Variants in STAT1 observed in about 807,000 individuals in gnomAD.
The protein encoded by STAT1 is signal transducer and activator of transcription 1-alpha/beta.
Under a neutral mutation model 111.7 loss-of-function variants are expected in STAT1, and 24 were observed. The ratio of observed to expected loss-of-function variants is 0.21; its 90% CI spans 0.16 to 0.30. The LOEUF is 0.30. Among genes scored for constraint, STAT1 ranks in the 10% least tolerant of loss-of-function variants. STAT1 has a pLI of 1.00. For synonymous variants in STAT1, 332 were observed against 326.5 expected, an observed-to-expected ratio of 1.02 and a Z score of -0.18; for missense variants, 351 against 911.9, an observed-to-expected ratio of 0.38 and a Z score of 7.92.
At position 190,987,255 on chromosome 2, in the gene STAT1, A is replaced by G. The variant is rs556536352; in HGVS notation, c.1098-187T>C. Among the ~76,000 whole-genome samples the G allele has an allele frequency of 6.6e-6, 1 of 152,332 alleles. No homozygotes were observed. The highest frequency in any genetic ancestry group is 1.9e-4 in the East Asian group (1 of 5,192). ...TCTACCCATACTAGGTCTGGCAAGT[A>G]TCACTGAATGACCTTTGGCAAATAA... On this transcript the variant is annotated intron_variant, in intron 12 of 24. Transcript: ENST00000361099. This position sits in a 1 kb window ranked among gnomAD's most constrained non-coding sequence, Gnocchi z 4.0.
At chr2:190,991,997 A>T (rs1248197387) in intron 10 of STAT1, among the ~76,000 whole-genome samples, 1 of 152,278 alleles carries the variant, frequency 6.6e-6, no homozygotes, top group African/African-American at 2.4e-5. Flanking sequence ...TCTTGTTTGA[A>T]CATTAGCCAT....
In STAT1 at chr2:190,974,370, G is replaced by A. The variant is rs933097551; in HGVS notation, c.2238+460C>T. 3.3e-5 allele frequency among the ~76,000 whole-genome samples: 5 copies of A among 152,184 alleles called. No individual in the cohort carries two copies. The highest frequency in any genetic ancestry group is 7.3e-5 in the Non-Finnish European group (5 of 68,044). ...CAAATTAGCTCTCAAATATAAGGCA[G>A]ATGAAGTAATCTCATTGCTGCTAAA... is the stretch of plus-strand genomic sequence containing the variant. On this transcript the variant is annotated intron_variant, in intron 24 of 24. Transcript: ENST00000361099. This position sits in a 1 kb window ranked among gnomAD's most constrained non-coding sequence, Gnocchi z 4.8.
In STAT1 at chr2:190,975,876, T is replaced by C; in HGVS notation, c.2071A>G (p.Met691Val). Residue 691 changes from methionine (M) to valine (V), a missense_variant, in exon 23 of 25, where the codon ATG becomes GTG. Physicochemically the swap from Met to Val is conservative, Grantham distance 21. Transcript: ENST00000361099. This position sits in a 1 kb window ranked among gnomAD's most constrained non-coding sequence, Gnocchi z 5.9. The stretch of plus-strand genomic sequence containing the variant: ...GTTCCTTTAGGGCCATCAAGTTCCA[T>C]TGGCTCTGGTGCTAGAAATAAACAC... ...YSRPKEAPEP[M>V]ELDGPKGTGY... 1 of 1,613,946 alleles carries C rather than the reference T, an allele frequency of 6.2e-7. No individual in the cohort carries two copies. Among genetic ancestry groups the C allele is most frequent in the Non-Finnish European group, 8.5e-7 (1 of 1,179,786 alleles).
rs1559013378 is a variant in STAT1, at chr2:190,989,157, GA to G, written c.1097+457del. ...ATGACCACAGAATCATGGCAGCCTG[GA>G]CGTTCAGCCTCGGGTTGGATCAGGG... On this transcript the variant is annotated intron_variant, in intron 12 of 24. Transcript: ENST00000361099. The surrounding 1 kb of genome is among the most constrained non-coding windows in gnomAD (Gnocchi z 5.0). Among the ~76,000 whole-genome samples, 1 of 152,204 alleles carries G rather than the reference GA, an allele frequency of 6.6e-6. No homozygotes were observed. Among genetic ancestry groups the G allele is most frequent in the Non-Finnish European group, 1.5e-5 (1 of 68,038 alleles).
rs1691888967 is a variant in STAT1 at position 190,976,122 on chromosome 2, C to A, written c.2060-235G>T. On this transcript the variant is annotated intron_variant, in intron 22 of 24. Coordinates refer to ENST00000361099, the MANE Select transcript of STAT1 (RefSeq NM_007315.4). This position sits in a 1 kb window ranked among gnomAD's most constrained non-coding sequence, Gnocchi z 6.0. The stretch of plus-strand genomic sequence containing the variant: ...AAATAAGCTAGTGTTCAGCAGGACA[C>A]TAGCTAGGAGCTTTCTCTTTACACA... Among the ~76,000 whole-genome samples, 2 of 152,212 alleles carry A rather than the reference C, an allele frequency of 1.3e-5. No individual in the cohort carries two copies. The highest frequency in any genetic ancestry group is 3.9e-4 in the East Asian group (2 of 5,192).
chr2:191,012,794 C>G lies in STAT1; in HGVS notation c.-2+731G>C, dbSNP rs1350159733. Among the ~76,000 whole-genome samples the G allele has an allele frequency of 6.6e-6, 1 of 152,248 alleles. No homozygotes were observed. The highest frequency in any genetic ancestry group is 1.9e-4 in the East Asian group (1 of 5,204). On this transcript the variant is annotated intron_variant, in intron 2 of 24. Coordinates refer to ENST00000361099, the MANE Select transcript of STAT1 (RefSeq NM_007315.4). The surrounding 1 kb of genome is among the most constrained non-coding windows in gnomAD (Gnocchi z 4.0). The stretch of plus-strand genomic sequence containing the variant: ...GCCCAACATTTCTGCTTTGCTCCAG[C>G]TACTCGCCCTTGGAAACAGCCTCTC...
Position 191,009,114 on chromosome 2 carries a change from G to C in STAT1, c.129-7C>G. 6.2e-7 allele frequency: 1 copy of C among 1,614,004 alleles called. No homozygotes were observed. Among genetic ancestry groups the C allele is most frequent in the Non-Finnish European group, 8.5e-7 (1 of 1,179,888 alleles). On this transcript the variant is annotated splice_region_variant and splice_polypyrimidine_tract_variant and intron_variant, in intron 3 of 24. Coordinates refer to ENST00000361099, the MANE Select transcript of STAT1 (RefSeq NM_007315.4). Reference sequence around the variant, plus strand: ...ATCATTGGCAGCGTGCTCCCTAGGAGATTTAACATTTACACATTTCATTCT... The same window carrying C: ...ATCATTGGCAGCGTGCTCCCTAGGACATTTAACATTTACACATTTCATTCT...
rs1022546050 is a variant in STAT1 at position 190,977,347 on chromosome 2, A to G, written c.1874-322T>C. Among the ~76,000 whole-genome samples, 9 of 152,274 alleles carry G rather than the reference A, an allele frequency of 5.9e-5. No individual in the cohort carries two copies. The highest frequency in any genetic ancestry group is 1.5e-5 in the Non-Finnish European group (1 of 68,050). On this transcript the variant is annotated intron_variant, in intron 21 of 24. Transcript: ENST00000361099. The surrounding 1 kb of genome is among the most constrained non-coding windows in gnomAD (Gnocchi z 4.7). ...TGATGTGCTGCCCATAGGCACATAAATAACTTACTACTAAGTGGATCATCT... is the reference window on the plus strand; with the variant it reads ...TGATGTGCTGCCCATAGGCACATAAGTAACTTACTACTAAGTGGATCATCT...
rs1270152674 is a variant in STAT1 at position 190,982,332 on chromosome 2, A to AT, written c.1582+50dup. ...AGGGGAAAAGAGCAATTAGAGAGAT[A>AT]TTTTTATGAATTTCAATTTTTATAA... On this transcript the variant is annotated intron_variant, in intron 18 of 24. Coordinates refer to ENST00000361099, the MANE Select transcript of STAT1 (RefSeq NM_007315.4). The surrounding 1 kb of genome is among the most constrained non-coding windows in gnomAD (Gnocchi z 7.3). The AT allele has an allele frequency of 6.2e-7, 1 of 1,604,670 alleles. No individual in the cohort carries two copies. Among genetic ancestry groups the AT allele is most frequent in the African/African-American group, 1.3e-5 (1 of 74,850 alleles).
Position 190,991,152 on chromosome 2 carries a change from C to T in STAT1, c.1037+76G>A, listed in dbSNP as rs1044610617. On this transcript the variant is annotated intron_variant, in intron 11 of 24. Coordinates refer to ENST00000361099, the MANE Select transcript of STAT1 (RefSeq NM_007315.4). ...ATTTCCTCAAAAGCACCCTATATAA[C>T]AGTTTTTATAAAAGGAAACTAGGGG... 5 of 1,393,954 alleles carry T rather than the reference C, an allele frequency of 3.6e-6. No homozygotes were observed. The African/African-American group carries it at 4.3e-5, about 12-fold the overall frequency. 86.3% of individuals were successfully genotyped at this position (1,393,954 alleles called of 1,614,324 possible).
chr2:191,000,937 G>T lies in STAT1; in HGVS notation c.462+137C>A. 1 of 729,602 alleles carries T rather than the reference G, an allele frequency of 1.4e-6. No homozygotes were observed. The allele number at this position is 729,602 out of a possible 1,614,324, so 45.2% of individuals were successfully genotyped here. On this transcript the variant is annotated intron_variant, in intron 6 of 24. Coordinates refer to ENST00000361099, the MANE Select transcript of STAT1 (RefSeq NM_007315.4). This position sits in a 1 kb window ranked among gnomAD's most constrained non-coding sequence, Gnocchi z 4.8. ...TTGCCAATTTGTTTACTTATAGCTT[G>T]AGACTTCTGCAAAATTTTTCTTCCC...
Position 190,974,711 on chromosome 2 carries a change from T to G in STAT1, c.2238+119A>C. On this transcript the variant is annotated intron_variant, in intron 24 of 24. Transcript: ENST00000361099. The surrounding 1 kb of genome is among the most constrained non-coding windows in gnomAD (Gnocchi z 4.8). ...CATGGCTCATCTGAGCACTGCACTC[T>G]CCTTGGCTCCGCCAGGGCTCCCTCC... 1.2e-6 allele frequency: 1 copy of G among 862,876 alleles called. No homozygotes were observed. The highest frequency in any genetic ancestry group is 1.9e-6 in the Non-Finnish European group (1 of 514,974). The allele number at this position is 862,876 out of a possible 1,614,324, so 53.5% of individuals were successfully genotyped here.
Position 190,975,787 on chromosome 2 carries a change from A to T in STAT1, c.2135+25T>A. 1 of 1,614,062 alleles carries T rather than the reference A, an allele frequency of 6.2e-7. No homozygotes were observed. Among genetic ancestry groups the T allele is most frequent in the Non-Finnish European group, 8.5e-7 (1 of 1,179,992 alleles). ...CAAGGCTGGCTTGAGGTTTGTAAAC[A>T]TGTCACTCTTCTGTGTTCACTTACA... is the stretch of plus-strand genomic sequence containing the variant. On this transcript the variant is annotated intron_variant, in intron 23 of 24. Coordinates refer to ENST00000361099, the MANE Select transcript of STAT1 (RefSeq NM_007315.4). This position sits in a 1 kb window ranked among gnomAD's most constrained non-coding sequence, Gnocchi z 5.9.
At position 190,975,408 on chromosome 2, in the gene STAT1, C is replaced by A. The variant is rs144963677; in HGVS notation, c.2135+404G>T. ...ACAGTGCTGCAGGCCAAATAACTGACAATGACATTTCCAAAATTTTTTCTA... is the reference window on the plus strand; with the variant it reads ...ACAGTGCTGCAGGCCAAATAACTGAAAATGACATTTCCAAAATTTTTTCTA... On this transcript the variant is annotated intron_variant, in intron 23 of 24. Coordinates refer to ENST00000361099, the MANE Select transcript of STAT1 (RefSeq NM_007315.4). This position sits in a 1 kb window ranked among gnomAD's most constrained non-coding sequence, Gnocchi z 5.9. 1.7e-6 allele frequency: 1 copy of A among 578,390 alleles called. No individual in the cohort carries two copies. Among genetic ancestry groups the A allele is most frequent in the East Asian group, 6.4e-5 (1 of 15,506 alleles). The allele number at this position is 578,390 out of a possible 1,614,324, so 35.8% of individuals were successfully genotyped here. A position where few individuals can be genotyped will look rare whatever the true frequency, so the allele number is the denominator to read the frequency against.
intron 10 of STAT1, among the ~76,000 whole-genome samples, chr2:190,992,396 A>G (rs1693435729): frequency 6.6e-6 from 1 of 152,216 alleles, no homozygotes; most frequent in South Asian, 2.1e-4. Flanking sequence ...TATCAGGAAA[A>G]TACATTATTT....
rs1232307206 is a variant in STAT1 at position 191,003,649 on chromosome 2, G to C, written c.373-2486C>G. On this transcript the variant is annotated intron_variant, in intron 5 of 24. Transcript: ENST00000361099. This position sits in a 1 kb window ranked among gnomAD's most constrained non-coding sequence, Gnocchi z 4.0. Reference sequence around the variant, plus strand: ...CTGCTGCTATGACTGTAAGTTTCCTGAGGCCTCCCCAGAAACTGAGCAGAT... The same window carrying C: ...CTGCTGCTATGACTGTAAGTTTCCTCAGGCCTCCCCAGAAACTGAGCAGAT... 2.6e-5 allele frequency among the ~76,000 whole-genome samples: 4 copies of C among 152,152 alleles called. No individual in the cohort carries two copies. Among genetic ancestry groups the C allele is most frequent in the Non-Finnish European group, 5.9e-5 (4 of 68,038 alleles).
intron 5 of STAT1, among the ~76,000 whole-genome samples, chr2:191,005,580 T>C (rs900433819): frequency 2.6e-5 from 4 of 152,348 alleles, no homozygotes; most frequent in Non-Finnish European, 5.9e-5. Flanking sequence ...CTTTACCATA[T>C]AGTGTAGGTG....
In STAT1 at chr2:190,987,045, A is replaced by C. The variant is rs755834379; in HGVS notation, c.1121T>G (p.Val374Gly). The change falls in exon 13 of 25, where the codon GTA (valine) becomes GGA (glycine). Residue 374 changes from valine to glycine, a missense_variant. Physicochemically the swap from Val to Gly is moderately radical, Grantham distance 109. Coordinates refer to ENST00000361099, the MANE Select transcript of STAT1 (RefSeq NM_007315.4). The surrounding 1 kb of genome is among the most constrained non-coding windows in gnomAD (Gnocchi z 4.0). ...CGTAAAGTACGTCACGTACCCTTTTACTGTATTTCTCTCATTCACATCTCT... is the reference window on the plus strand; with the variant it reads ...CGTAAAGTACGTCACGTACCCTTTTCCTGTATTTCTCTCATTCACATCTCT... Reference protein sequence around the residue: ...FDKDVNERNTVKGFRKFNILG... With the variant: ...FDKDVNERNTGKGFRKFNILG... 6.2e-7 allele frequency: 1 copy of C among 1,610,716 alleles called. No homozygotes were observed. The highest frequency in any genetic ancestry group is 8.5e-7 in the Non-Finnish European group (1 of 1,177,468).
chr2:190,973,097 T>G lies in STAT1; in HGVS notation c.2238+1733A>C, dbSNP rs1274890803. Among the ~76,000 whole-genome samples the G allele has an allele frequency of 6.6e-6, 1 of 152,084 alleles. No individual in the cohort carries two copies. The highest frequency in any genetic ancestry group is 1.5e-5 in the Non-Finnish European group (1 of 68,012). On this transcript the variant is annotated intron_variant, in intron 24 of 24. Transcript: ENST00000361099. This position sits in a 1 kb window ranked among gnomAD's most constrained non-coding sequence, Gnocchi z 4.4. ...GTGATGACAGAGATGGAATGCTGATTGCCAAATCCCAAACACATACGGGCC... is the reference window on the plus strand; with the variant it reads ...GTGATGACAGAGATGGAATGCTGATGGCCAAATCCCAAACACATACGGGCC...
Sources: allele counts gnomAD v4.1 joint callset (sites outside exome capture counted in the v4.1 genomes callset), GRCh38; gene constraint gnomAD v4.1.1; non-coding constraint Gnocchi (gnomAD v3.1); transcripts MANE v1.5; gene names NCBI Gene and HGNC (gene_info 2026-07-23, HGNC 2026-07-21).